The following OPRM1 variants were observed in gnomAD, a reference collection of about 807,000 sequenced individuals.
The protein encoded by OPRM1 is opioid receptor mu 1.
A neutral mutation model predicts 31.8 loss-of-function variants in OPRM1; 27 were observed. The observed-to-expected ratio is 0.85, with a 90% CI of 0.63 to 1.17. The LOEUF is 1.17. Among genes scored for constraint, OPRM1 ranks in the 50% most tolerant of loss-of-function variants. The pLI is 0.00. For missense variants in OPRM1, 536 were observed against 511.1 expected (o/e 1.05, Z -0.47); for synonymous variants, 196 against 189.9 (o/e 1.03, Z -0.26).
At chr6:154,204,264 A>G (rs942602406) in intron 3 of OPRM1, among the ~76,000 whole-genome samples, 1 of 152,186 alleles carries the variant, frequency 6.6e-6, no homozygotes, top group African/African-American at 2.4e-5. Flanking sequence ...CAAGTTTGAC[A>G]TGGTGAAAAA....
chr6:154,177,252 C>T (rs1346982169), intron 3 of OPRM1, among the ~76,000 whole-genome samples: 2 of 152,124 alleles, frequency 1.3e-5, no homozygotes, highest in Non-Finnish European at 2.9e-5. Flanking sequence ...ACTAAAACAC[C>T]AAAAGCAATG....
intron 1 of OPRM1, among the ~76,000 whole-genome samples, chr6:154,067,522 C>T (rs1292490982): frequency 1.3e-5 from 2 of 151,466 alleles, no homozygotes; most frequent in African/African-American, 4.8e-5. Context: ...AGAGAAGATA[C>T]TGTATATAAT....
At chr6:154,015,221 G>T (rs533230674) in intron 1 of OPRM1, among the ~76,000 whole-genome samples, 1 of 152,044 alleles carries the variant, frequency 6.6e-6, no homozygotes, top group Non-Finnish European at 1.5e-5. Context: ...CATATGGAGA[G>T]AGTGGCCAGT....
At chr6:154,073,084 G>T (rs1787141503) in intron 1 of OPRM1, among the ~76,000 whole-genome samples, 3 of 152,160 alleles carry the variant, frequency 2.0e-5, no homozygotes, top group Admixed American at 6.5e-5. Context: ...GCAGAGAAAT[G>T]GTGGATGACT....
Position 154,090,014 on chromosome 6 carries a change from T to A in OPRM1, c.479T>A (p.Leu160His), listed in dbSNP as rs372936612. 6.2e-7 allele frequency: 1 copy of A among 1,614,054 alleles called. No individual in the cohort carries two copies. The highest frequency in any genetic ancestry group is 1.3e-5 in the African/African-American group (1 of 74,934). Residue 160 changes from leucine to histidine, a missense_variant, in exon 2 of 4, where the codon CTC becomes CAC. Coordinates refer to ENST00000330432, the MANE Select transcript of OPRM1 (RefSeq NM_000914.5). Reference protein sequence around the residue: ...YYNMFTSIFTLCTMSVDRYIA... With the variant: ...YYNMFTSIFTHCTMSVDRYIA... Reference sequence around the variant, plus strand: ...AACATGTTCACCAGCATATTCACCCTCTGCACCATGAGTGTTGATCGATAC... The same window carrying A: ...AACATGTTCACCAGCATATTCACCCACTGCACCATGAGTGTTGATCGATAC...
chr6:154,199,997 G>C, intron 3 of OPRM1: 1 of 1,614,056 alleles, frequency 6.2e-7, no homozygotes, highest in Non-Finnish European at 8.5e-7. Context: ...AGAATACGAC[G>C]TTCCACTCAG....
downstream of OPRM1, among the ~76,000 whole-genome samples, chr6:154,136,577 C>T (rs61152747): frequency 0.052 from 7,948 of 152,210 alleles, 688 homozygotes; most frequent in African/African-American, 0.18. Flanking sequence ...TCTCATGTTC[C>T]ACCTAATCCC....
intron 1 of OPRM1, among the ~76,000 whole-genome samples, chr6:154,019,873 A>T (rs1253311357): frequency 6.6e-6 from 1 of 151,078 alleles, no homozygotes; most frequent in Non-Finnish European, 1.5e-5. Flanking sequence ...AGCTGGGACT[A>T]CAGACACATG....
intron 3 of OPRM1, among the ~76,000 whole-genome samples, chr6:154,211,599 A>T (rs1241949524): frequency 6.6e-6 from 1 of 152,160 alleles, no homozygotes; most frequent in Non-Finnish European, 1.5e-5. Context: ...CAATTTTTGA[A>T]ACCAGTGGGA....
chr6:154,138,232 C>T (rs1798108080), intron 3 of OPRM1, among the ~76,000 whole-genome samples: 1 of 149,616 alleles, frequency 6.7e-6, no homozygotes, highest in South Asian at 2.1e-4. Flanking sequence ...AGACAGTATG[C>T]AAAAAGCTTT....
rs114438797 is a variant in OPRM1, at chr6:154,186,357, C to T, written c.1165-60336C>T. On this transcript the variant is annotated intron_variant, in intron 3 of 3. Coordinates refer to the OPRM1 transcript ENST00000337049. ...TGACTTCTGTCTTTCTCTTTCAAACCGCATGTCAGCAAATTCCATTGTCTC... is the reference window on the plus strand; with the variant it reads ...TGACTTCTGTCTTTCTCTTTCAAACTGCATGTCAGCAAATTCCATTGTCTC... Among the ~76,000 whole-genome samples the T allele has an allele frequency of 6.6e-3, 1,010 of 152,234 alleles. 5 individuals are homozygous for T. Among genetic ancestry groups the T allele is most frequent in the African/African-American group, 0.021 (887 of 41,534 alleles).
chr6:154,228,761 C>G (rs985759731), intron 3 of OPRM1, among the ~76,000 whole-genome samples: 1 of 152,146 alleles, frequency 6.6e-6, no homozygotes, highest in East Asian at 1.9e-4. Context: ...GTGGCTCATG[C>G]CTGTAATCTC....
intron 3 of OPRM1, among the ~76,000 whole-genome samples, chr6:154,098,349 A>T (rs915256122): frequency 6.6e-6 from 1 of 152,230 alleles, no homozygotes; most frequent in Non-Finnish European, 1.5e-5. Flanking sequence ...TTCAAAACTA[A>T]CAAAATGAGA....
Position 154,130,889 on chromosome 6 carries a change from T to C in OPRM1, c.*12168T>C, listed in dbSNP as rs1342602240. On this transcript the variant is annotated 3_prime_UTR_variant, in exon 4 of 4. Transcript: ENST00000330432. ...ATACATTTCCTGAACTTTTACATACTTAAATAGCCAGTTATGAAAATGTAA... is the reference window on the plus strand; with the variant it reads ...ATACATTTCCTGAACTTTTACATACCTAAATAGCCAGTTATGAAAATGTAA... 6.6e-6 allele frequency among the ~76,000 whole-genome samples: 1 copy of C among 152,146 alleles called. No individual in the cohort carries two copies. Among genetic ancestry groups the C allele is most frequent in the African/African-American group, 2.4e-5 (1 of 41,456 alleles).
At chr6:154,040,553 G>A (rs890646052) in intron 1 of OPRM1, among the ~76,000 whole-genome samples, 1 of 152,122 alleles carries the variant, frequency 6.6e-6, no homozygotes, top group Non-Finnish European at 1.5e-5. Flanking sequence ...GCTTCAGATC[G>A]CCTAAGTCAC....
chr6:154,094,830 G>T (rs1053588627), intron 3 of OPRM1, among the ~76,000 whole-genome samples: 2 of 152,220 alleles, frequency 1.3e-5, no homozygotes, highest in Non-Finnish European at 2.9e-5. Context: ...GATAGGATCT[G>T]CAGTCACATT....
chr6:154,218,854 G>C (rs71567971), intron 3 of OPRM1, among the ~76,000 whole-genome samples: 11,948 of 152,204 alleles, frequency 0.078, 562 homozygotes, highest in African/African-American at 0.12. Flanking sequence ...GACACCTTAA[G>C]TTCAAATTTC....
At chr6:154,106,407 C>T (rs554735678) in intron 3 of OPRM1, among the ~76,000 whole-genome samples, 24 of 152,242 alleles carry the variant, frequency 1.6e-4, no homozygotes, top group Non-Finnish European at 2.5e-4. Context: ...GCTGGCTCTC[C>T]AGCACAGCTG....
chr6:154,237,188 C>T (rs565221990), intron 3 of OPRM1, among the ~76,000 whole-genome samples: 174 of 152,296 alleles, frequency 1.1e-3, no homozygotes, highest in African/African-American at 4.1e-3. Flanking sequence ...AATCCTCAAA[C>T]CTAATGAAAA....
Sources: allele counts gnomAD v4.1 joint callset (sites outside exome capture counted in the v4.1 genomes callset), GRCh38; gene constraint gnomAD v4.1.1; transcripts MANE v1.5; gene names NCBI Gene and HGNC (gene_info 2026-07-23, HGNC 2026-07-21).